SHISA9: variants seen among roughly 807,000 people sequenced by gnomAD.
The protein encoded by SHISA9 is shisa family member 9, also known as protein shisa-9.
In SHISA9, 13 loss-of-function variants were observed where a neutral mutation model predicts 38.0. That is an observed-to-expected ratio of 0.34 (90% confidence interval 0.22 to 0.54). The LOEUF is 0.54. Ranked by LOEUF, SHISA9 falls within the 20% of genes least tolerant of loss-of-function variation. SHISA9 has a pLI of 0.91. For synonymous variants in SHISA9, 275 were observed against 242.0 expected, an observed-to-expected ratio of 1.14 and a Z score of -1.27; for missense variants, 538 against 575.8, an observed-to-expected ratio of 0.93 and a Z score of 0.67.
intron 2 of SHISA9, among the ~76,000 whole-genome samples, chr16:12,966,174 G>A (rs2071975518): frequency 6.6e-6 from 1 of 152,146 alleles, no homozygotes; most frequent in African/African-American, 2.4e-5. Flanking sequence ...CCCTGGTTGG[G>A]CACCACTGGC....
the SHISA9 span, among the ~76,000 whole-genome samples, chr16:13,289,056 G>A: frequency 6.6e-6 from 1 of 152,180 alleles, no homozygotes; most frequent in African/African-American, 2.4e-5. Context: ...TCAGGAGAGA[G>A]TGAGTGGTAA....
chr16:12,960,623 G>A (rs896371739), intron 2 of SHISA9, among the ~76,000 whole-genome samples: 2 of 152,204 alleles, frequency 1.3e-5, no homozygotes. Flanking sequence ...GCAGGGACAT[G>A]GACGGAGCTG....
chr16:13,310,013 A>T, the SHISA9 span, among the ~76,000 whole-genome samples: 1 of 151,988 alleles, frequency 6.6e-6, no homozygotes, highest in South Asian at 2.1e-4. Flanking sequence ...TCAGCCCTCA[A>T]AGTAGGTGGG....
chr16:13,065,983 G>A (rs2073430142), intron 2 of SHISA9, among the ~76,000 whole-genome samples: 1 of 152,190 alleles, frequency 6.6e-6, no homozygotes, highest in African/African-American at 2.4e-5. Context: ...GCTTGTGAAA[G>A]GCTAGGGTTC....
chr16:13,209,359 A>T lies in SHISA9; in HGVS notation c.848-3894A>T, dbSNP rs375225435. ...ATGGGAAAGACATACATGAAAGTTA[A>T]CTCATGTCAGGGATCTGATAAAACA... On this transcript the variant is annotated intron_variant, in intron 3 of 4. Coordinates refer to ENST00000558583, the MANE Select transcript of SHISA9 (RefSeq NM_001145204.3). Among the ~76,000 whole-genome samples the T allele has an allele frequency of 3.9e-5, 6 of 152,162 alleles. No individual in the cohort carries two copies. The South Asian group carries it at 1.2e-3, about 31-fold the overall frequency.
intron 2 of SHISA9, among the ~76,000 whole-genome samples, chr16:13,118,979 A>T (rs2074059312): frequency 6.6e-6 from 1 of 151,566 alleles, no homozygotes; most frequent in Non-Finnish European, 1.5e-5. Context: ...TGATCCACTC[A>T]CCTCGGCCTC....
chr16:13,378,873 G>A, the SHISA9 span, among the ~76,000 whole-genome samples: 1 of 152,314 alleles, frequency 6.6e-6, no homozygotes, highest in African/African-American at 2.4e-5. Context: ...AATATTTGTT[G>A]AGTGAATCAG....
chr16:13,518,563 C>T, the SHISA9 span, among the ~76,000 whole-genome samples: 16 of 152,144 alleles, frequency 1.1e-4, no homozygotes, highest in African/African-American at 2.9e-4. Context: ...CCTGCTCCAT[C>T]GAGCTGCTAA....
intron 2 of SHISA9, among the ~76,000 whole-genome samples, chr16:13,181,310 TATACAC>T (rs1456919352): frequency 0.014 from 450 of 32,836 alleles, no homozygotes; most frequent in Middle Eastern, 0.09. Flanking sequence ...TATATATATA[TATACAC>T]ACACACACAC....
chr16:13,450,172 T>C, the SHISA9 span, among the ~76,000 whole-genome samples: 3 of 152,320 alleles, frequency 2.0e-5, no homozygotes, highest in Admixed American at 2.0e-4. Flanking sequence ...GTCCATGTTC[T>C]ACTACTTACT....
intron 2 of SHISA9, among the ~76,000 whole-genome samples, chr16:13,181,032 G>T (rs958509235): frequency 2.0e-5 from 3 of 151,908 alleles, no homozygotes; most frequent in African/African-American, 7.3e-5. Flanking sequence ...CATTAAACCA[G>T]TAGGCAAAAT....
the SHISA9 span, among the ~76,000 whole-genome samples, chr16:13,431,986 C>T: frequency 1.5e-3 from 228 of 152,188 alleles, 8 homozygotes; most frequent in East Asian, 0.038. Context: ...TCTTAAGCCC[C>T]GGAGGCAGAG....
In SHISA9 at chr16:13,084,754, CCA is replaced by C. The variant is rs555658362; in HGVS notation, c.692-118639_692-118638del. Among the ~76,000 whole-genome samples, 980 of 151,844 alleles carry C rather than the reference CCA, an allele frequency of 6.5e-3. 7 individuals are homozygous for C. The highest frequency in any genetic ancestry group is 0.023 in the African/African-American group (945 of 41,404). On this transcript the variant is annotated intron_variant, in intron 2 of 4. Transcript: ENST00000558583. ...TTTTCTCTTAAGCTTAGACCATAGA[CCA>C]TAGACCATAGACAGACTGGCTTAAA...
At chr16:12,932,765 G>A (rs934627373) in intron 2 of SHISA9, among the ~76,000 whole-genome samples, 5 of 152,204 alleles carry the variant, frequency 3.3e-5, no homozygotes, top group African/African-American at 1.2e-4. Flanking sequence ...TCCAGAGTAG[G>A]CAAGTAGGTT....
chr16:13,066,684 A>AACC (rs1172226533), intron 2 of SHISA9, among the ~76,000 whole-genome samples: 1 of 152,260 alleles, frequency 6.6e-6, no homozygotes, highest in African/African-American at 2.4e-5. Context: ...ACGTGTAATG[A>AACC]ATGTAAAGTA....
At chr16:12,940,938 C>G (rs1312046224) in intron 2 of SHISA9, among the ~76,000 whole-genome samples, 1 of 152,158 alleles carries the variant, frequency 6.6e-6, no homozygotes, top group Non-Finnish European at 1.5e-5. Flanking sequence ...CAAGAAGAAA[C>G]AAACAAAGCC....
chr16:13,078,738 G>C (rs1349237085), intron 2 of SHISA9, among the ~76,000 whole-genome samples: 1 of 152,130 alleles, frequency 6.6e-6, no homozygotes, highest in Non-Finnish European at 1.5e-5. Flanking sequence ...CAAGTTGGTT[G>C]AACCCTTGGA....
chr16:13,391,766 G>A, the SHISA9 span, among the ~76,000 whole-genome samples: 5 of 152,170 alleles, frequency 3.3e-5, no homozygotes, highest in African/African-American at 1.2e-4. Flanking sequence ...TGGGAGCCAA[G>A]CAACAAAGTT....
Position 13,051,179 on chromosome 16 carries a change from C to T in SHISA9, c.691+134364C>T, listed in dbSNP as rs147452973. Reference sequence around the variant, plus strand: ...GTAAAAGAAAGAGGTTGAATGGACTCACAGTTCCACATGGCTGGGGAGACC... The same window carrying T: ...GTAAAAGAAAGAGGTTGAATGGACTTACAGTTCCACATGGCTGGGGAGACC... On this transcript the variant is annotated intron_variant, in intron 2 of 4. Coordinates refer to ENST00000558583, the MANE Select transcript of SHISA9 (RefSeq NM_001145204.3). 7.2e-3 allele frequency among the ~76,000 whole-genome samples: 1,091 copies of T among 152,318 alleles called. 7 individuals carry two copies. Among genetic ancestry groups the T allele is most frequent in the Middle Eastern group, 0.014 (4 of 294 alleles).
Sources: allele counts gnomAD v4.1 joint callset (sites outside exome capture counted in the v4.1 genomes callset), GRCh38; gene constraint gnomAD v4.1.1; transcripts MANE v1.5; gene names NCBI Gene and HGNC (gene_info 2026-07-23, HGNC 2026-07-21).